NOC2L: variants seen among roughly 807,000 people sequenced by gnomAD.
The protein encoded by NOC2L is nucleolar complex protein 2 homolog.
A neutral mutation model predicts 94.2 loss-of-function variants in NOC2L; 101 were observed. The observed-to-expected ratio is 1.07, with a 90% CI of 0.91 to 1.26. The LOEUF is 1.26. Ranked by LOEUF, NOC2L falls within the 50% of genes most tolerant of loss-of-function variation. The pLI is 0.00. For synonymous variants in NOC2L, 531 were observed against 413.4 expected, an observed-to-expected ratio of 1.28 and a Z score of -3.45; for missense variants, 1,076 against 980.1, an observed-to-expected ratio of 1.10 and a Z score of -1.31.
chr1:947,266 G>GT (rs1569936436), intron 14 of NOC2L, among the ~76,000 whole-genome samples: 1 of 152,280 alleles, frequency 6.6e-6, no homozygotes, highest in East Asian at 1.9e-4. Flanking sequence ...CCAATGCCAG[G>GT]TATCACCACC....
chr1:950,520 CACACGCAAAGGT>C (rs1242324872), intron 12 of NOC2L, among the ~76,000 whole-genome samples: 25 of 152,116 alleles, frequency 1.6e-4, no homozygotes, highest in East Asian at 7.7e-4. Context: ...CACAGGTGCA[CACACGCAAAGGT>C]ACACGCAAAG....
intron 6 of NOC2L, among the ~76,000 whole-genome samples, chr1:954,846 CCAAA>C (rs1176601209): frequency 1.3e-5 from 2 of 151,878 alleles, no homozygotes; most frequent in Admixed American, 1.3e-4. Context: ...AAACCAAAAA[CCAAA>C]CAAACAAAAC....
chr1:956,225 CAA>C lies in NOC2L; in HGVS notation c.487-12_487-11del. The C allele has an allele frequency of 6.2e-7, 1 of 1,612,698 alleles. No individual in the cohort carries two copies. The highest frequency in any genetic ancestry group is 8.5e-7 in the Non-Finnish European group (1 of 1,179,978). ...TTGGAGTGAGGCGTTGCTGAAGGAGCAAGAGTACCAGGGGCGTCAGGGGAGCT... is the reference window on the plus strand; with the variant it reads ...TTGGAGTGAGGCGTTGCTGAAGGAGCGAGTACCAGGGGCGTCAGGGGAGCT... On this transcript the variant is annotated splice_polypyrimidine_tract_variant and intron_variant, in intron 4 of 18. Coordinates refer to ENST00000327044, the MANE Select transcript of NOC2L (RefSeq NM_015658.4).
chr1:950,601 A>T (rs1267188276), intron 12 of NOC2L, among the ~76,000 whole-genome samples: 1 of 152,204 alleles, frequency 6.6e-6, no homozygotes. Flanking sequence ...CTGCAGGCAC[A>T]CAGGCATTCA....
Position 944,576 on chromosome 1 carries a change from C to T in NOC2L, c.*118G>A, listed in dbSNP as rs926788553. ...CTGAAAAATAAATAATAAAGCCTGTCCCGTGTCTACTGCCTCCCCCAACTG... is the reference window on the plus strand; with the variant it reads ...CTGAAAAATAAATAATAAAGCCTGTTCCGTGTCTACTGCCTCCCCCAACTG... On this transcript the variant is annotated 3_prime_UTR_variant, in exon 19 of 19. Coordinates refer to ENST00000327044, the MANE Select transcript of NOC2L (RefSeq NM_015658.4). 6.1e-6 allele frequency: 4 copies of T among 657,624 alleles called. No homozygotes were observed. The highest frequency in any genetic ancestry group is 1.8e-5 in the African/African-American group (1 of 54,580). The allele number at this position is 657,624 out of a possible 1,614,324, so 40.7% of individuals were successfully genotyped here.
chr1:944,996 G>A, intron 18 of NOC2L, 61 bp downstream of exon 18: 3 of 1,610,202 alleles, frequency 1.9e-6, no homozygotes, highest in Non-Finnish European at 2.5e-6. Context: ...CGCCCACGTG[G>A]CTCTGCCCTC....
At position 944,471 on chromosome 1, in the gene NOC2L, TCAG is replaced by T. The variant is rs1202903479; in HGVS notation, c.*220_*222del. The T allele has an allele frequency of 8.3e-6, 6 of 726,870 alleles. No homozygotes were observed. Among genetic ancestry groups the T allele is most frequent in the African/African-American group, 3.7e-5 (2 of 54,470 alleles). The allele number at this position is 726,870 out of a possible 1,614,324, so 45.0% of individuals were successfully genotyped here. A position where few individuals can be genotyped will look rare whatever the true frequency, so the allele number is the denominator to read the frequency against. ...GGTCAGCTCCCCCGCGGAGCTGACTTCAGCAGCCCACAGCTGTGGGGCTTCAGC... is the reference window on the plus strand; with the variant it reads ...GGTCAGCTCCCCCGCGGAGCTGACTTCAGCCCACAGCTGTGGGGCTTCAGC... On this transcript the variant is annotated 3_prime_UTR_variant, in exon 19 of 19. Transcript: ENST00000327044.
chr1:951,502 T>G (rs945675129), intron 11 of NOC2L, among the ~76,000 whole-genome samples: 2 of 152,200 alleles, frequency 1.3e-5, no homozygotes, highest in African/African-American at 4.8e-5. Flanking sequence ...TTCCTACTTC[T>G]TCCCTTGGAC....
Position 944,452 on chromosome 1 carries a change from C to T in NOC2L, c.*242G>A. Reference sequence around the variant, plus strand: ...CTCGGTCTGCTGACGTCAGGGTCAGCTCCCCCGCGGAGCTGACTTCAGCAG... The same window carrying T: ...CTCGGTCTGCTGACGTCAGGGTCAGTTCCCCCGCGGAGCTGACTTCAGCAG... On this transcript the variant is annotated 3_prime_UTR_variant, in exon 19 of 19. Coordinates refer to ENST00000327044, the MANE Select transcript of NOC2L (RefSeq NM_015658.4). The T allele has an allele frequency of 1.1e-6, 1 of 886,564 alleles. No homozygotes were observed. The allele number at this position is 886,564 out of a possible 1,614,324, so 54.9% of individuals were successfully genotyped here.
chr1:955,077 C>T (rs1317593841), intron 6 of NOC2L, among the ~76,000 whole-genome samples: 1 of 152,242 alleles, frequency 6.6e-6, no homozygotes, highest in Admixed American at 6.5e-5. Flanking sequence ...GGTACAGCTG[C>T]TGCCTCGACA....
chr1:945,262 A>C (rs999149239), intron 17 of NOC2L, 116 bp from the exon 18 acceptor site: 1 of 1,303,018 alleles, frequency 7.7e-7, no homozygotes, highest in Non-Finnish European at 1.1e-6. Context: ...GCTGACTTCC[A>C]GCAGGTGGAG....
chr1:958,006 G>C (rs1176857661), intron 2 of NOC2L: 1 of 151,546 alleles, frequency 6.6e-6, no homozygotes, highest in Non-Finnish European at 1.5e-5. Context: ...TGTCTGTGTG[G>C]CCTCCTTGTT....
At chr1:952,346 TG>T in intron 10 of NOC2L, 65 bp downstream of exon 10, 1 of 1,574,634 alleles carries the variant, frequency 6.4e-7, no homozygotes, top group Admixed American at 1.7e-5. Flanking sequence ...GGCCCTGCCT[TG>T]GGTCGGGCAC....
chr1:951,118 C>G lies in NOC2L; in HGVS notation c.1443+9G>C, dbSNP rs988077074. ...AGAGGTGCCACACGCCCACCACAGC[C>G]TCACTCACCTCCAGGATGAAAGGCA... is the stretch of plus-strand genomic sequence containing the variant. On this transcript the variant is annotated intron_variant, in intron 12 of 18. Coordinates refer to ENST00000327044, the MANE Select transcript of NOC2L (RefSeq NM_015658.4). 1 of 1,563,294 alleles carries G rather than the reference C, an allele frequency of 6.4e-7. No homozygotes were observed. Among genetic ancestry groups the G allele is most frequent in the Admixed American group, 1.9e-5 (1 of 53,862 alleles).
chr1:945,061 C>A lies in NOC2L; in HGVS notation c.2139G>T (p.Ser713=). Residue 713 remains serine, a synonymous_variant, in exon 18 of 19, where the codon TCG becomes TCT. Coordinates refer to ENST00000327044, the MANE Select transcript of NOC2L (RefSeq NM_015658.4). ...EEEGEEDSSN[S]EDGDPDAEAG... ...TCTCACCCCAAGACCATTCACCCTC[C>A]GAGTTGCTGCTGTCCTCCTCGCCCT... is the stretch of plus-strand genomic sequence containing the variant. 6.2e-7 allele frequency: 1 copy of A among 1,614,044 alleles called. No homozygotes were observed. The highest frequency in any genetic ancestry group is 1.3e-5 in the African/African-American group (1 of 74,948).
intron 14 of NOC2L, among the ~76,000 whole-genome samples, chr1:947,699 T>C (rs2100380200): frequency 6.6e-6 from 1 of 152,278 alleles, no homozygotes; most frequent in South Asian, 2.1e-4. Flanking sequence ...TGGGCCTTCC[T>C]ATGAGGCTGA....
rs950065608 is a variant in NOC2L at position 944,454 on chromosome 1, CCCCCGCGGAGCTGACTTCAGCAG to C, written c.*217_*239del. On this transcript the variant is annotated 3_prime_UTR_variant, in exon 19 of 19. Transcript: ENST00000327044. ...CGGTCTGCTGACGTCAGGGTCAGCT[CCCCCGCGGAGCTGACTTCAGCAG>C]CCCACAGCTGTGGGGCTTCAGCAGC... 28 of 866,614 alleles carry C rather than the reference CCCCCGCGGAGCTGACTTCAGCAG, an allele frequency of 3.2e-5. No individual in the cohort carries two copies. Among genetic ancestry groups the C allele is most frequent in the Admixed American group, 1.5e-4 (4 of 27,220 alleles). The allele number at this position is 866,614 out of a possible 1,614,324, so 53.7% of individuals were successfully genotyped here. A position where few individuals can be genotyped will look rare whatever the true frequency, so the allele number is the denominator to read the frequency against.
At chr1:944,836 T>C (rs1483332343) in intron 18 of NOC2L, 36 bp from the exon 19 acceptor site, 2 of 1,450,160 alleles carry the variant, frequency 1.4e-6, no homozygotes, top group Admixed American at 2.0e-5. Flanking sequence ...AAATTTTGCT[T>C]TATCAGGAAG....
chr1:951,709 C>A (rs763976067), intron 11 of NOC2L, among the ~76,000 whole-genome samples: 9 of 152,250 alleles, frequency 5.9e-5, no homozygotes, highest in Non-Finnish European at 1.3e-4. Flanking sequence ...ACGTAATGAA[C>A]CAAACTCACT....
Sources: allele counts gnomAD v4.1 joint callset (sites outside exome capture counted in the v4.1 genomes callset), GRCh38; gene constraint gnomAD v4.1.1; transcripts MANE v1.5; gene names NCBI Gene and HGNC (gene_info 2026-07-23, HGNC 2026-07-21).